The following PRR5 variants were observed in gnomAD, a reference collection of about 807,000 sequenced individuals.
The protein encoded by PRR5 is proline-rich protein 5.
Under a neutral mutation model 30.6 loss-of-function variants are expected in PRR5, and 25 were observed. The ratio of observed to expected loss-of-function variants is 0.82; its 90% CI spans 0.60 to 1.14. The LOEUF (loss-of-function observed/expected upper bound fraction) is 1.14. Among genes scored for constraint, PRR5 ranks in the 50% most tolerant of loss-of-function variants. The pLI is 0.00. For missense variants in PRR5, 600 were observed against 547.1 expected, an observed-to-expected ratio of 1.10 and a Z score of -0.96; for synonymous variants, 286 against 247.1, an observed-to-expected ratio of 1.16 and a Z score of -1.48.
intron 1 of PRR5, among the ~76,000 whole-genome samples, chr22:44,687,828 G>A (rs1924886106): frequency 6.6e-6 from 1 of 152,126 alleles, no homozygotes; most frequent in African/African-American, 2.4e-5. Flanking sequence ...AGGCTGGAGT[G>A]CATTGGCGCG....
chr22:44,737,496 G>A lies in PRR5; in HGVS notation c.*249G>A, dbSNP rs1923501934. ...AGGGGCCGGGCCAGAGACGGGGGTC[G>A]GCCGCTCGCTCCCACGCTCCTCCTG... On this transcript the variant is annotated 3_prime_UTR_variant, in exon 8 of 8. Transcript: ENST00000336985. 5 of 667,630 alleles carry A rather than the reference G, an allele frequency of 7.5e-6. No homozygotes were observed. Among genetic ancestry groups the A allele is most frequent in the East Asian group, 6.4e-5 (2 of 31,436 alleles). 41.4% of individuals were successfully genotyped at this position (667,630 alleles called of 1,614,324 possible).
intron 1 of PRR5, among the ~76,000 whole-genome samples, chr22:44,690,668 C>T (rs1231654919): frequency 1.3e-5 from 2 of 152,224 alleles, no homozygotes; most frequent in African/African-American, 4.8e-5. Context: ...CCGCGATCCT[C>T]TGGCTGCACA....
At chr22:44,727,812 A>G (rs9626537) in intron 4 of PRR5, among the ~76,000 whole-genome samples, 3,204 of 152,288 alleles carry the variant, frequency 0.021, 55 homozygotes, top group Non-Finnish European at 0.028. Context: ...TCCACTGAAC[A>G]TGTTGGGTGG....
intron 1 of PRR5, chr22:44,679,912 G>T: frequency 6.4e-7 from 1 of 1,554,908 alleles, no homozygotes; most frequent in Non-Finnish European, 8.7e-7. Context: ...GGGTGGCTAC[G>T]AGGGAGGCAG....
intron 4 of PRR5, chr22:44,731,469 T>A (rs1054655085): frequency 1.8e-6 from 1 of 551,724 alleles, no homozygotes; most frequent in African/African-American, 1.9e-5. Flanking sequence ...TCCCTGTGCC[T>A]TAGGCTCATT....
intron 1 of PRR5, among the ~76,000 whole-genome samples, chr22:44,695,121 A>G (rs780970583): frequency 2.0e-5 from 3 of 152,222 alleles, no homozygotes; most frequent in Non-Finnish European, 4.4e-5. Flanking sequence ...CAGTGAGCCA[A>G]GATCGTGCCA....
intron 4 of PRR5, chr22:44,729,872 A>C (rs1921616336): frequency 1.0e-6 from 1 of 985,346 alleles, no homozygotes; most frequent in African/African-American, 1.7e-5. Flanking sequence ...CCCCCCGGCC[A>C]GCCCGGGAAC....
Position 44,732,305 on chromosome 22 carries a change from A to G in PRR5, c.469A>G (p.Thr157Ala). ...CCTGCTGCACTTCCGGAATGCCATC[A>G]CCCTCAGTGTGAAGCTAGAGGATGC... ...LALLHFRNAI[T>A]LSVKLEDALA... The change falls in exon 6 of 8, where the codon ACC becomes GCC. Residue 157 changes from threonine (T) to alanine (A), a missense_variant. Thr to Ala is a moderately conservative substitution (Grantham distance 58, BLOSUM62 0). Transcript: ENST00000336985. The G allele has an allele frequency of 6.2e-7, 1 of 1,612,310 alleles. No individual in the cohort carries two copies. The highest frequency in any genetic ancestry group is 8.5e-7 in the Non-Finnish European group (1 of 1,179,980).
chr22:44,716,500 C>A (rs12166790), intron 2 of PRR5, among the ~76,000 whole-genome samples: 16,410 of 151,924 alleles, frequency 0.11, 1,731 homozygotes, highest in African/African-American at 0.27. Flanking sequence ...TGACAAGACA[C>A]CTTCTCTATT....
Position 44,731,936 on chromosome 22 carries a change from T to C in PRR5, c.414+115T>C, listed in dbSNP as rs73889721. On this transcript the variant is annotated intron_variant, in intron 5 of 7. Transcript: ENST00000336985. Reference sequence around the variant, plus strand: ...GGACACACACACCTGCTCTGCTCTGTGCTGCTCTCCTTGGGCTACCTGAGT... The same window carrying C: ...GGACACACACACCTGCTCTGCTCTGCGCTGCTCTCCTTGGGCTACCTGAGT... 0.012 allele frequency: 11,190 copies of C among 949,918 alleles called. 748 individuals are homozygous for C. In the African/African-American group the frequency reaches 0.16, roughly 14 times the overall value. The allele number at this position is 949,918 out of a possible 1,614,324, so 58.8% of individuals were successfully genotyped here. A position where few individuals can be genotyped will look rare whatever the true frequency, so the allele number is the denominator to read the frequency against.
upstream of PRR5, among the ~76,000 whole-genome samples, chr22:44,701,976 T>A (rs1270588690): frequency 6.6e-6 from 1 of 152,048 alleles, no homozygotes; most frequent in Non-Finnish European, 1.5e-5. Context: ...GTTGGTTTCC[T>A]GTGGGCACGT....
intron 1 of PRR5, among the ~76,000 whole-genome samples, chr22:44,702,948 T>G (rs964081490): frequency 6.6e-6 from 1 of 152,194 alleles, no homozygotes; most frequent in Non-Finnish European, 1.5e-5. Context: ...CGTGACAACC[T>G]GGGAGGCTAA....
upstream of PRR5, among the ~76,000 whole-genome samples, chr22:44,672,261 G>C (rs1476877269): frequency 2.0e-5 from 3 of 152,168 alleles, no homozygotes; most frequent in Non-Finnish European, 1.5e-5. Flanking sequence ...GGGCAAGTGG[G>C]GATGGGGAAG....
At chr22:44,728,412 A>G (rs1921260392) in intron 4 of PRR5, among the ~76,000 whole-genome samples, 1 of 152,212 alleles carries the variant, frequency 6.6e-6, no homozygotes, top group African/African-American at 2.4e-5. Flanking sequence ...GAGATGGAGG[A>G]GAACCTGGCC....
intron 2 of PRR5, among the ~76,000 whole-genome samples, chr22:44,721,407 A>T (rs747272095): frequency 1.2e-4 from 18 of 152,126 alleles, no homozygotes; most frequent in African/African-American, 2.9e-4. Context: ...GAAGTGAAGC[A>T]CCCTATGCAA....
intron 2 of PRR5, among the ~76,000 whole-genome samples, chr22:44,720,824 A>G (rs1191662914): frequency 6.6e-6 from 1 of 152,124 alleles, no homozygotes; most frequent in Non-Finnish European, 1.5e-5. Context: ...CGCTGAGTTC[A>G]TTCATTGTGA....
rs141879326 is a variant in PRR5, at chr22:44,734,879, G to A, written c.556-148G>A. The stretch of plus-strand genomic sequence containing the variant: ...TGAGAGGGGCTGGGAGGCCACCGTG[G>A]GCCCTGCCATGGGGACAGAGAGCCT... On this transcript the variant is annotated intron_variant, in intron 6 of 7. Transcript: ENST00000336985. 5.7e-5 allele frequency: 65 copies of A among 1,144,298 alleles called. No individual in the cohort carries two copies. The African/African-American group carries it at 8.5e-4, about 15-fold the overall frequency. The allele number at this position is 1,144,298 out of a possible 1,614,324, so 70.9% of individuals were successfully genotyped here.
At chr22:44,705,781 T>A (rs1164889655) in intron 1 of PRR5, among the ~76,000 whole-genome samples, 1 of 151,496 alleles carries the variant, frequency 6.6e-6, no homozygotes, top group Non-Finnish European at 1.5e-5. Context: ...TGCACCACCA[T>A]GCCCAGCTAA....
At chr22:44,732,207 G>A (rs757991334) in intron 5 of PRR5, 44 bp from the exon 6 acceptor site, 176 of 1,601,776 alleles carry the variant, frequency 1.1e-4, no homozygotes, top group Admixed American at 8.2e-4. Flanking sequence ...AGATGAGGAC[G>A]CATGTGACCA....
Sources: allele counts gnomAD v4.1 joint callset (sites outside exome capture counted in the v4.1 genomes callset), GRCh38; gene constraint gnomAD v4.1.1; transcripts MANE v1.5; gene names NCBI Gene and HGNC (gene_info 2026-07-23, HGNC 2026-07-21).